The following PTPRB variants were observed in gnomAD, a reference collection of about 807,000 sequenced individuals.
PTPRB encodes the protein protein tyrosine phosphatase receptor type B.
PTPRB carries 97 observed loss-of-function variants against 238.1 expected under a neutral mutation model. The ratio of observed to expected loss-of-function variants is 0.41; its 90% CI spans 0.35 to 0.48. The LOEUF (loss-of-function observed/expected upper bound fraction) is 0.48, where lower values mean the gene tolerates loss of function less well. Among genes scored for constraint, PTPRB ranks in the 20% least tolerant of loss-of-function variants. The probability of loss-of-function intolerance (pLI) is 0.30; values close to 1 mark genes in which losing one functional copy is unlikely to be tolerated. For synonymous variants in PTPRB, 970 were observed against 995.4 expected (o/e 0.97, Z 0.48); for missense variants, 2,292 against 2,681.9 (o/e 0.85, Z 3.21).
intron 4 of PTPRB, 72 bp from the exon 5 acceptor site, chr12:70,596,399 A>G: frequency 7.7e-7 from 1 of 1,295,776 alleles, no homozygotes; most frequent in Non-Finnish European, 9.8e-7. Context: ...ACATGGCTTG[A>G]AGACTTTTGC....
In PTPRB at chr12:70,622,332, A is replaced by G. The variant is rs892616372; in HGVS notation, c.708+58T>C. The G allele has an allele frequency of 1.9e-5, 30 of 1,578,636 alleles. No individual in the cohort carries two copies. The African/African-American group carries it at 3.6e-4, about 19-fold the overall frequency. On this transcript the variant is annotated intron_variant, in intron 3 of 33. Coordinates refer to ENST00000334414, the MANE Select transcript of PTPRB (RefSeq NM_001109754.4). ...CATTTTTAGCAAAGCAAGTCTTTTC[A>G]AGCAATGAGCCTCCTGAGACGTGCA...
chr12:70,560,646 G>A lies in PTPRB; in HGVS notation c.4432+25C>T. 1 of 1,609,958 alleles carries A rather than the reference G, an allele frequency of 6.2e-7. No individual in the cohort carries two copies. Among genetic ancestry groups the A allele is most frequent in the Non-Finnish European group, 8.5e-7 (1 of 1,177,404 alleles). On this transcript the variant is annotated intron_variant, in intron 17 of 33. Coordinates refer to ENST00000334414, the MANE Select transcript of PTPRB (RefSeq NM_001109754.4). The surrounding 1 kb of genome is among the most constrained non-coding windows in gnomAD (Gnocchi z 4.2). Reference sequence around the variant, plus strand: ...TGGAAGCTACTTCCCACCATCCCTTGGCCATTGGCACCTGGGCTTCTCACC... The same window carrying A: ...TGGAAGCTACTTCCCACCATCCCTTAGCCATTGGCACCTGGGCTTCTCACC...
intron 18 of PTPRB, among the ~76,000 whole-genome samples, chr12:70,556,602 C>T (rs1188479812): frequency 1.3e-5 from 2 of 152,238 alleles, no homozygotes; most frequent in East Asian, 3.9e-4. Context: ...ATATCTGAAA[C>T]AAGAATGACT....
At chr12:70,539,368 A>G in intron 26 of PTPRB, 2 of 548,706 alleles carry the variant, frequency 3.6e-6, no homozygotes, top group Non-Finnish European at 3.2e-6. Flanking sequence ...TGCATTTGAG[A>G]TTTGTTAATT....
At position 70,622,421 on chromosome 12, in the gene PTPRB, G is replaced by A. The variant is rs769301620; in HGVS notation, c.677C>T (p.Thr226Ile). ...GITDTSWVLS[T>I]TQPFSSTTEE... ...AGTGGTGCTGGAGAAGGGCTGAGTAGTCGACAAAACCCATGATGTGTCTGT... is the reference window on the plus strand; with the variant it reads ...AGTGGTGCTGGAGAAGGGCTGAGTAATCGACAAAACCCATGATGTGTCTGT... The change falls in exon 3 of 34, where the codon ACT becomes ATT. Residue 226 changes from threonine (T) to isoleucine (I), a missense_variant. Physicochemically the swap from Thr to Ile is moderately conservative, Grantham distance 89. Transcript: ENST00000334414. 6.2e-7 allele frequency: 1 copy of A among 1,612,394 alleles called. No homozygotes were observed. Among genetic ancestry groups the A allele is most frequent in the Admixed American group, 1.7e-5 (1 of 59,980 alleles).
intron 32 of PTPRB, among the ~76,000 whole-genome samples, chr12:70,529,039 A>T (rs988691382): frequency 6.6e-6 from 1 of 152,064 alleles, no homozygotes; most frequent in African/African-American, 2.4e-5. Context: ...TAACATGAGC[A>T]TGTACAGGAA....
At chr12:70,597,640 G>A (rs1218636170) in intron 4 of PTPRB, among the ~76,000 whole-genome samples, 2 of 152,128 alleles carry the variant, frequency 1.3e-5, no homozygotes, top group Middle Eastern at 3.2e-3. Flanking sequence ...GGTCAGGTCA[G>A]ATATTATAAT....
At chr12:70,623,235 G>C (rs1195707378) in intron 2 of PTPRB, among the ~76,000 whole-genome samples, 1 of 152,106 alleles carries the variant, frequency 6.6e-6, no homozygotes, top group Non-Finnish European at 1.5e-5. Flanking sequence ...TGATGAGACT[G>C]TTGTATTTTC....
chr12:70,550,935 G>A (rs1032662990), intron 21 of PTPRB, among the ~76,000 whole-genome samples: 8 of 151,160 alleles, frequency 5.3e-5, no homozygotes, highest in Admixed American at 1.3e-4. Context: ...TTGCTCTGTC[G>A]CCCAGGCTGG....
intron 3 of PTPRB, among the ~76,000 whole-genome samples, chr12:70,614,751 A>G (rs1884605184): frequency 6.6e-6 from 1 of 152,190 alleles, no homozygotes; most frequent in Non-Finnish European, 1.5e-5. Flanking sequence ...AAACAACTAC[A>G]AGATGGCAAA....
At chr12:70,532,732 C>T (rs1873479404) in intron 31 of PTPRB, among the ~76,000 whole-genome samples, 2 of 152,050 alleles carry the variant, frequency 1.3e-5, no homozygotes, top group South Asian at 4.1e-4. Flanking sequence ...GCCTCGACCT[C>T]CCAGGTTCAA....
At chr12:70,550,278 A>C (rs1460974495) in intron 21 of PTPRB, among the ~76,000 whole-genome samples, 4 of 152,214 alleles carry the variant, frequency 2.6e-5, no homozygotes, top group Non-Finnish European at 4.4e-5. Flanking sequence ...AGATTATGCA[A>C]AGGCTCAGGC....
At chr12:70,609,847 A>C in intron 3 of PTPRB, 2 of 1,558,922 alleles carry the variant, frequency 1.3e-6, no homozygotes, top group East Asian at 2.4e-5. Flanking sequence ...GAGGAGACCG[A>C]GGGGGCTGGA....
At chr12:70,609,555 G>A (rs1293018484) in intron 3 of PTPRB, among the ~76,000 whole-genome samples, 2 of 152,234 alleles carry the variant, frequency 1.3e-5, no homozygotes, top group African/African-American at 2.4e-5. Context: ...GCTGGAGAGA[G>A]AAGGTGGCTT....
Position 70,539,788 on chromosome 12 carries a change from A to G in PTPRB, c.5696+39T>C. ...ATAACTATTCTGACTCATATTTCAA[A>G]GGCAGATAATATAGTAATTAATGTG... On this transcript the variant is annotated intron_variant, in intron 25 of 33. Coordinates refer to ENST00000334414, the MANE Select transcript of PTPRB (RefSeq NM_001109754.4). 1.9e-6 allele frequency: 3 copies of G among 1,599,000 alleles called. No individual in the cohort carries two copies. In the South Asian group the frequency reaches 3.3e-5, roughly 18 times the overall value.
At chr12:70,538,124 C>T (rs1874458593) in intron 28 of PTPRB, 31 bp downstream of exon 28, 2 of 1,584,946 alleles carry the variant, frequency 1.3e-6, no homozygotes, top group Non-Finnish European at 1.7e-6. Flanking sequence ...AAAGCCTCAT[C>T]CTGAACACTA....
At chr12:70,622,951 G>GC (rs202126361) in intron 2 of PTPRB, among the ~76,000 whole-genome samples, 180 of 135,354 alleles carry the variant, frequency 1.3e-3, no homozygotes, top group African/African-American at 4.6e-3. Context: ...GAGAATTTAG[G>GC]GGGGGGGTCA....
rs759457256 is a variant in PTPRB at position 70,592,371 on chromosome 12, T to A, written c.1691A>T (p.Lys564Ile). ...ATAAAGTCGACCGGGGACTAACTCT[T>A]TAAAGTGAGTTTCAGTAATCCAAGG... ...LAPWITETHF[K>I]ELVPGRLYQV... Residue 564 changes from lysine (K) to isoleucine (I), a missense_variant, in exon 7 of 34, where the codon AAA (lysine) becomes ATA (isoleucine). Around this residue, in one of 4 missense-constraint regions of PTPRB, gnomAD observed 1,205 missense variants for 1,287.8 expected, o/e 0.94. Coordinates refer to ENST00000334414, the MANE Select transcript of PTPRB (RefSeq NM_001109754.4). 1 of 1,613,964 alleles carries A rather than the reference T, an allele frequency of 6.2e-7. No individual in the cohort carries two copies. The highest frequency in any genetic ancestry group is 1.1e-5 in the South Asian group (1 of 91,080).
In PTPRB at chr12:70,571,122, G is replaced by T; in HGVS notation, c.3274C>A (p.Arg1092=). 1 of 1,613,938 alleles carries T rather than the reference G, an allele frequency of 6.2e-7. No homozygotes were observed. The highest frequency in any genetic ancestry group is 1.1e-5 in the South Asian group (1 of 91,068). ...CGGCCTGGTGTTAGGGAAGTAAATCGATACTCGGTTGCGGTATTTACAAGG... is the reference window on the plus strand; with the variant it reads ...CGGCCTGGTGTTAGGGAAGTAAATCTATACTCGGTTGCGGTATTTACAAGG... The part of the protein sequence containing the change: ...FHLVNTATEY[R]FTSLTPGRQY... The change falls in exon 13 of 34, where the codon CGA becomes AGA. Residue 1092 remains arginine, a synonymous_variant. Transcript: ENST00000334414.
Sources: allele counts gnomAD v4.1 joint callset (sites outside exome capture counted in the v4.1 genomes callset), GRCh38; gene constraint gnomAD v4.1.1; regional missense constraint gnomAD v4.1.1; non-coding constraint Gnocchi (gnomAD v3.1); transcripts MANE v1.5; gene names NCBI Gene and HGNC (gene_info 2026-07-23, HGNC 2026-07-21).